The following CEP350 variants were observed in gnomAD, a reference collection of about 807,000 sequenced individuals.
CEP350 encodes centrosome-associated protein 350.
A neutral mutation model predicts 331.8 loss-of-function variants in CEP350; 126 were observed. The observed-to-expected ratio is 0.38, with a 90% CI of 0.33 to 0.44. The LOEUF is 0.44. Ranked by LOEUF, CEP350 falls within the 20% of genes least tolerant of loss-of-function variation. The pLI is 1.00. For synonymous variants in CEP350, 1,200 were observed against 1,259.5 expected (o/e 0.95, Z 1.00); for missense variants, 3,406 against 3,634.6 (o/e 0.94, Z 1.62).
intron 15 of CEP350, 29 bp from the exon 16 acceptor site, chr1:180,033,833 C>T (rs1161146118): frequency 1.9e-6 from 3 of 1,602,614 alleles, no homozygotes; most frequent in Non-Finnish European, 2.6e-6. Context: ...TTTCCTTCCT[C>T]TAATGTTTTT....
At chr1:180,015,731 A>G in intron 10 of CEP350, 118 bp from the exon 11 acceptor site, 1 of 1,243,624 alleles carries the variant, frequency 8.0e-7, no homozygotes, top group Non-Finnish European at 1.1e-6. Context: ...TTGACAAAAA[A>G]AAACCACTAC....
intron 1 of CEP350, among the ~76,000 whole-genome samples, chr1:179,976,891 A>G (rs1651911809): frequency 6.6e-6 from 1 of 152,230 alleles, no homozygotes; most frequent in Admixed American, 6.5e-5. Flanking sequence ...GAGAGGCCTC[A>G]AAGAATGCAA....
Position 180,075,079 on chromosome 1 carries a change from C to G in CEP350, c.5625C>G (p.Leu1875=). The G allele has an allele frequency of 1.2e-6, 2 of 1,613,282 alleles. No individual in the cohort carries two copies. The change falls in exon 28 of 38, where the codon CTC becomes CTG. Residue 1875 remains leucine, a synonymous_variant. Transcript: ENST00000367607. ...LMQRRQHAEE[L]LEWKRRLDAE... ...AACGGCGACAACATGCAGAGGAGCT[C>G]CTAGAGTGGAAGCGACGTTTAGATG...
In CEP350 at chr1:180,020,685, G is replaced by A; in HGVS notation, c.2911G>A (p.Ala971Thr). The A allele has an allele frequency of 1.9e-6, 3 of 1,613,958 alleles. No individual in the cohort carries two copies. The highest frequency in any genetic ancestry group is 2.5e-6 in the Non-Finnish European group (3 of 1,179,854). The change falls in exon 12 of 38, where the codon GCC (alanine) becomes ACC (threonine). Residue 971 changes from alanine (A) to threonine (T), a missense_variant. Transcript: ENST00000367607. ...TATGCAAGCCTGTTCTCAAGACAAA[G>A]CCAAAATATCTCTTGGTTCCAGCAT... is the stretch of plus-strand genomic sequence containing the variant. ...SDMQACSQDK[A>T]KISLGSSIDS...
chr1:180,017,420 G>C (rs1655043975), intron 11 of CEP350, among the ~76,000 whole-genome samples: 1 of 152,066 alleles, frequency 6.6e-6, no homozygotes, highest in African/African-American at 2.4e-5. Context: ...TTTTAGATGG[G>C]TGATACTCTC....
chr1:180,058,221 G>A (rs1481457277), intron 25 of CEP350, among the ~76,000 whole-genome samples: 2 of 152,174 alleles, frequency 1.3e-5, no homozygotes, highest in Non-Finnish European at 2.9e-5. Context: ...TTGCAAGAAA[G>A]TATAATACTG....
At chr1:180,064,546 A>C (rs991577951) in intron 26 of CEP350, among the ~76,000 whole-genome samples, 2 of 152,168 alleles carry the variant, frequency 1.3e-5, no homozygotes, top group Admixed American at 6.5e-5. Context: ...TAAGCAATTA[A>C]AGTTTTACTT....
At chr1:180,043,770 ATTT>A (rs1656921605) in intron 20 of CEP350, among the ~76,000 whole-genome samples, 1 of 76,872 alleles carries the variant, frequency 1.3e-5, no homozygotes, top group African/African-American at 4.1e-5. Context: ...ACATTACCAT[ATTT>A]GTGTGTGTGT....
intron 36 of CEP350, among the ~76,000 whole-genome samples, chr1:180,097,742 G>A (rs950361303): frequency 1.3e-5 from 2 of 151,856 alleles, no homozygotes; most frequent in African/African-American, 4.9e-5. Context: ...TTCAAATATT[G>A]TTAGTAGTAA....
intron 1 of CEP350, among the ~76,000 whole-genome samples, chr1:179,960,004 C>T (rs190500318): frequency 2.9e-4 from 44 of 152,190 alleles, no homozygotes; most frequent in African/African-American, 1.0e-3. Context: ...CCAAACACCT[C>T]TAATATTAAA....
chr1:180,075,093 G>A lies in CEP350; in HGVS notation c.5639G>A (p.Arg1880Gln), dbSNP rs1368720835. 2.6e-5 allele frequency: 42 copies of A among 1,613,314 alleles called. No homozygotes were observed. The highest frequency in any genetic ancestry group is 3.1e-5 in the Non-Finnish European group (36 of 1,179,704). ...QHAEELLEWKRRLDAEEAEIR... is the reference protein window; with the variant it reads ...QHAEELLEWKQRLDAEEAEIR... Reference sequence around the variant, plus strand: ...GCAGAGGAGCTCCTAGAGTGGAAGCGACGTTTAGATGCAGAAGAAGCAGAA... The same window carrying A: ...GCAGAGGAGCTCCTAGAGTGGAAGCAACGTTTAGATGCAGAAGAAGCAGAA... The change falls in exon 28 of 38, where the codon CGA becomes CAA. Residue 1880 changes from arginine (R) to glutamine (Q), a missense_variant. Around this residue, in one of 5 missense-constraint regions of CEP350, gnomAD observed 1,415 missense variants for 1,512.3 expected, o/e 0.94. Transcript: ENST00000367607.
chr1:180,060,177 G>A (rs1423573900), intron 25 of CEP350, among the ~76,000 whole-genome samples: 2 of 152,162 alleles, frequency 1.3e-5, no homozygotes, highest in East Asian at 1.9e-4. Flanking sequence ...ATAAAAAATG[G>A]TTTGATGCTC....
Position 180,044,181 on chromosome 1 carries a change from C to A in CEP350, c.4622+8C>A, listed in dbSNP as rs1235398710. On this transcript the variant is annotated splice_region_variant and intron_variant, in intron 21 of 37. Coordinates refer to ENST00000367607, the MANE Select transcript of CEP350 (RefSeq NM_014810.5). Reference sequence around the variant, plus strand: ...CAAGAATCATGATAGAAGGTGAAGACAATTTGATTTCTTTGTCAGTACAGT... The same window carrying A: ...CAAGAATCATGATAGAAGGTGAAGAAAATTTGATTTCTTTGTCAGTACAGT... 5.8e-6 allele frequency: 9 copies of A among 1,552,034 alleles called. No individual in the cohort carries two copies. In the African/African-American group the frequency reaches 8.2e-5, roughly 14 times the overall value.
At chr1:180,015,754 T>G (rs770914703) in intron 10 of CEP350, 95 bp from the exon 11 acceptor site, 16 of 1,388,930 alleles carry the variant, frequency 1.2e-5, no homozygotes, top group Non-Finnish European at 1.5e-5. Flanking sequence ...TTTATGATCT[T>G]TGTAGAGCTG....
chr1:179,988,195 G>T (rs1652781678), intron 3 of CEP350, among the ~76,000 whole-genome samples: 1 of 151,898 alleles, frequency 6.6e-6, no homozygotes, highest in Non-Finnish European at 1.5e-5. Context: ...CACTCGGGAG[G>T]CTGAGGTGGG....
In CEP350 at chr1:180,053,927, C is replaced by G. The variant is rs767191477; in HGVS notation, c.5167C>G (p.Gln1723Glu). ...GGCTGAATTGGCCTGGTTAGAGCAT[C>G]AAAAAAAGTAAGTTCTTTTGAGCAG... ...TKAELAWLEH[Q>E]KKHLRDKGED... The change falls in exon 24 of 38, where the codon CAA becomes GAA. Residue 1723 changes from glutamine (Q) to glutamate (E), a missense_variant. Transcript: ENST00000367607. 6.5e-7 allele frequency: 1 copy of G among 1,538,750 alleles called. No individual in the cohort carries two copies. Among genetic ancestry groups the G allele is most frequent in the South Asian group, 1.3e-5 (1 of 78,754 alleles).
chr1:180,051,309 G>A (rs1284710154), intron 22 of CEP350, among the ~76,000 whole-genome samples: 4 of 152,136 alleles, frequency 2.6e-5, no homozygotes, highest in South Asian at 2.1e-4. Flanking sequence ...ACACATGGAC[G>A]AATTTTAAAT....
chr1:180,080,578 C>T lies in CEP350; in HGVS notation c.6041C>T (p.Thr2014Ile), dbSNP rs753149506. 1.2e-6 allele frequency: 2 copies of T among 1,613,570 alleles called. No individual in the cohort carries two copies. Among genetic ancestry groups the T allele is most frequent in the Non-Finnish European group, 1.7e-6 (2 of 1,179,660 alleles). ...KQESSKGSHR[T>I]GGQCHLPIKS... is the part of the protein sequence containing the mutation. Reference sequence around the variant, plus strand: ...GAGTCTAGCAAAGGAAGTCATAGGACTGGAGGACAATGTCACCTGCCTATC... The same window carrying T: ...GAGTCTAGCAAAGGAAGTCATAGGATTGGAGGACAATGTCACCTGCCTATC... Residue 2014 changes from threonine (T) to isoleucine (I), a missense_variant, in exon 30 of 38, where the codon ACT becomes ATT. By Grantham distance (89) the Thr-to-Ile change is moderately conservative. Transcript: ENST00000367607.
intron 27 of CEP350, among the ~76,000 whole-genome samples, chr1:180,065,687 G>GATC (rs1658505993): frequency 6.6e-6 from 1 of 151,834 alleles, no homozygotes; most frequent in Admixed American, 6.6e-5. Flanking sequence ...GAGCCTAGGA[G>GATC]ATCAAGGCTG....
Sources: gnomAD v4.1 joint callset for allele counts (sites outside exome capture counted in the v4.1 genomes callset) on GRCh38, gnomAD v4.1.1 for gene constraint, gnomAD v4.1.1 regional missense constraint, MANE v1.5 for transcripts, NCBI Gene and HGNC (gene_info 2026-07-23, HGNC 2026-07-21) for gene names.